The following TNIK variants were observed in gnomAD, a reference collection of about 807,000 sequenced individuals.
TNIK encodes the protein TRAF2 and NCK interacting kinase.
A neutral mutation model predicts 191.3 loss-of-function variants in TNIK; 49 were observed. The observed-to-expected ratio is 0.26, with a 90% CI of 0.20 to 0.32. TNIK has a LOEUF of 0.32. TNIK is among the 10% of genes least tolerant of loss of function. TNIK has a pLI of 1.00. For synonymous variants in TNIK, 594 were observed against 600.9 expected (o/e 0.99, Z 0.17); for missense variants, 1,155 against 1,702.3 (o/e 0.68, Z 5.66).
At chr3:171,069,320 T>A (rs1718885238) in intron 29 of TNIK, among the ~76,000 whole-genome samples, 2 of 152,144 alleles carry the variant, frequency 1.3e-5, no homozygotes, top group Non-Finnish European at 2.9e-5. Flanking sequence ...CTGGCCTTTG[T>A]CCTCTGAAGA....
chr3:171,108,011 G>C (rs2291899), intron 20 of TNIK, 54 bp downstream of exon 20: 7 of 1,532,400 alleles, frequency 4.6e-6, no homozygotes, highest in African/African-American at 1.4e-5. Context: ...ACTTAATCCT[G>C]TGGGTTCTCT....
chr3:171,413,200 C>G (rs767306272), intron 1 of TNIK, among the ~76,000 whole-genome samples: 2 of 152,190 alleles, frequency 1.3e-5, no homozygotes, highest in Non-Finnish European at 2.9e-5. Context: ...TCTTTTGCAA[C>G]TCTAATGGGT....
intron 15 of TNIK, among the ~76,000 whole-genome samples, chr3:171,129,448 T>C (rs1728947229): frequency 6.6e-6 from 1 of 152,214 alleles, no homozygotes; most frequent in Non-Finnish European, 1.5e-5. Context: ...CCTGTATCAC[T>C]TTCTTTTTCT....
At chr3:171,417,250 T>A (rs924867672) in intron 1 of TNIK, among the ~76,000 whole-genome samples, 24 of 152,200 alleles carry the variant, frequency 1.6e-4, no homozygotes, top group Admixed American at 2.0e-4. Flanking sequence ...TATAAAATAT[T>A]CAATAAGTGA....
chr3:171,131,166 G>A (rs34397113), intron 15 of TNIK, among the ~76,000 whole-genome samples: 12,255 of 150,830 alleles, frequency 0.081, 527 homozygotes, highest in Middle Eastern at 0.14. Context: ...GTGAAACCCC[G>A]TCTCTACTAA....
At chr3:171,071,429 G>A (rs1719159197) in intron 28 of TNIK, 106 bp from the exon 29 acceptor site, 1 of 822,428 alleles carries the variant, frequency 1.2e-6, no homozygotes, top group Non-Finnish European at 1.8e-6. Context: ...AAATATTGAT[G>A]TTGGGTGTCA....
At chr3:171,188,557 A>G (rs921572844) in intron 7 of TNIK, 145 bp downstream of exon 7, 1 of 894,134 alleles carries the variant, frequency 1.1e-6, no homozygotes, top group Non-Finnish European at 1.5e-6. Context: ...CCTCACTTGA[A>G]TGTCTTACAG....
chr3:171,203,852 G>A (rs764985162), intron 4 of TNIK, among the ~76,000 whole-genome samples: 31 of 152,238 alleles, frequency 2.0e-4, no homozygotes, highest in Middle Eastern at 3.4e-3. Context: ...CAAGTGTACC[G>A]TGTGAAAACT....
intron 1 of TNIK, among the ~76,000 whole-genome samples, chr3:171,414,740 A>G (rs1289215520): frequency 6.6e-6 from 1 of 152,200 alleles, no homozygotes; most frequent in Non-Finnish European, 1.5e-5. Context: ...AAAGTGTGTA[A>G]CCCACTGCTA....
intron 1 of TNIK, among the ~76,000 whole-genome samples, chr3:171,393,664 A>G (rs899051247): frequency 6.6e-6 from 1 of 152,234 alleles, no homozygotes; most frequent in African/African-American, 2.4e-5. Context: ...AATTCTTGCT[A>G]TCAAGAGTGA....
chr3:171,234,882 A>G (rs1045883562), intron 2 of TNIK, among the ~76,000 whole-genome samples: 3 of 152,180 alleles, frequency 2.0e-5, no homozygotes, highest in Non-Finnish European at 4.4e-5. Context: ...CCTCTGGGCC[A>G]GGGCCTTGCG....
intron 30 of TNIK, among the ~76,000 whole-genome samples, chr3:171,067,865 G>A (rs546962596): frequency 1.3e-5 from 2 of 152,122 alleles, no homozygotes; most frequent in Non-Finnish European, 1.5e-5. Context: ...TGTGAGCTGT[G>A]AGTCCTTGTG....
intron 3 of TNIK, among the ~76,000 whole-genome samples, chr3:171,211,829 G>T (rs1740869283): frequency 6.6e-6 from 1 of 152,126 alleles, no homozygotes; most frequent in Non-Finnish European, 1.5e-5. Context: ...AAGAAAGGGG[G>T]AAATGTGGTG....
At chr3:171,096,171 G>C (rs1448743525) in intron 22 of TNIK, among the ~76,000 whole-genome samples, 1 of 152,142 alleles carries the variant, frequency 6.6e-6, no homozygotes, top group Non-Finnish European at 1.5e-5. Flanking sequence ...CAGGGGCTCA[G>C]TTGGCCTGGT....
At chr3:171,334,901 T>G (rs1044508851) in intron 2 of TNIK, among the ~76,000 whole-genome samples, 9 of 151,258 alleles carry the variant, frequency 6.0e-5, no homozygotes, top group African/African-American at 2.2e-4. Context: ...CCATAAACTG[T>G]GCCAATCCCT....
At chr3:171,209,530 C>A (rs2108904467) in intron 4 of TNIK, among the ~76,000 whole-genome samples, 1 of 151,996 alleles carries the variant, frequency 6.6e-6, no homozygotes, top group South Asian at 2.1e-4. Flanking sequence ...TATGGTGTAT[C>A]CCTTTGTTGT....
At chr3:171,315,687 T>C (rs1754524212) in intron 2 of TNIK, among the ~76,000 whole-genome samples, 1 of 152,142 alleles carries the variant, frequency 6.6e-6, no homozygotes, top group South Asian at 2.1e-4. Context: ...TAACTTCTTG[T>C]GGTTACCAAC....
intron 10 of TNIK, among the ~76,000 whole-genome samples, chr3:171,164,888 A>G (rs192637488): frequency 1.9e-4 from 29 of 152,330 alleles, no homozygotes; most frequent in Middle Eastern, 3.4e-3. Context: ...TCTAATTGAC[A>G]TCTTATTAAC....
Position 171,190,712 on chromosome 3 carries a change from C to A in TNIK, c.493G>T (p.Ala165Ser). The A allele has an allele frequency of 6.3e-7, 1 of 1,591,520 alleles. No individual in the cohort carries two copies. Among genetic ancestry groups the A allele is most frequent in the Non-Finnish European group, 8.6e-7 (1 of 1,167,348 alleles). Residue 165 changes from alanine (A) to serine (S), a missense_variant, in exon 6 of 33, where the codon GCA becomes TCA. By Grantham distance (99) the Ala-to-Ser change is moderately conservative (BLOSUM62 1). Coordinates refer to ENST00000436636, the MANE Select transcript of TNIK (RefSeq NM_015028.4). ...CTGCTCTTACCTAGTTTAACTTCTG[C>A]ATTTTCAGTCAGCAAGACATTTTGC... Reference protein sequence around the residue: ...KGQNVLLTENAEVKLVDFGVS... With the variant: ...KGQNVLLTENSEVKLVDFGVS...
Sources: allele counts gnomAD v4.1 joint callset (sites outside exome capture counted in the v4.1 genomes callset), GRCh38; gene constraint gnomAD v4.1.1; transcripts MANE v1.5; gene names NCBI Gene and HGNC (gene_info 2026-07-23, HGNC 2026-07-21).